RERE: variants seen among roughly 807,000 people sequenced by gnomAD.
RERE encodes the protein arginine-glutamic acid dipeptide repeats, also known as arginine-glutamic acid dipeptide repeats protein.
A neutral mutation model predicts 146.1 loss-of-function variants in RERE; 40 were observed. The observed-to-expected ratio is 0.27, with a 90% CI of 0.21 to 0.36. The LOEUF is 0.36. RERE is among the 10% of genes least tolerant of loss of function. RERE has a pLI of 1.00. For missense variants in RERE, 1,933 were observed against 2,138.7 expected (o/e 0.90, Z 1.90); for synonymous variants, 1,003 against 866.0 (o/e 1.16, Z -2.78).
At chr1:8,812,684 C>T (rs1641835416) in intron 1 of RERE, among the ~76,000 whole-genome samples, 1 of 152,040 alleles carries the variant, frequency 6.6e-6, no homozygotes, top group Admixed American at 6.6e-5. Flanking sequence ...CTGGCACAGA[C>T]CACTTTACCA....
At chr1:8,394,439 C>T (rs1446102979) in intron 12 of RERE, among the ~76,000 whole-genome samples, 1 of 152,202 alleles carries the variant, frequency 6.6e-6, no homozygotes, top group African/African-American at 2.4e-5. Flanking sequence ...ATTCTCACTA[C>T]TGTCCTGGGA....
Position 8,356,179 on chromosome 1 carries a change from G to A in RERE, c.4407C>T (p.Pro1469=), listed in dbSNP as rs1641284945. The change falls in exon 21 of 23, where the codon CCC becomes CCT. Residue 1469 remains proline, a synonymous_variant. Coordinates refer to ENST00000400908, the MANE Select transcript of RERE (RefSeq NM_001042681.2). This position sits in a 1 kb window ranked among gnomAD's most constrained non-coding sequence, Gnocchi z 5.2. ...LTAGPHLARF[P]YPPGTLPNPL... is the part of the protein sequence containing the mutation. ...GGTTGGGGAGAGTGCCAGGCGGGTA[G>A]GGGAAGCGAGCCAGGTGGGGACCGG... is the stretch of plus-strand genomic sequence containing the variant. The A allele has an allele frequency of 2.6e-6, 4 of 1,521,592 alleles. No homozygotes were observed. Among genetic ancestry groups the A allele is most frequent in the Non-Finnish European group, 3.5e-6 (4 of 1,144,992 alleles). The allele number at this position is 1,521,592 out of a possible 1,614,324, so 94.3% of individuals were successfully genotyped here.
At chr1:8,396,561 T>C (rs1189338397) in intron 12 of RERE, among the ~76,000 whole-genome samples, 1 of 152,186 alleles carries the variant, frequency 6.6e-6, no homozygotes, top group Non-Finnish European at 1.5e-5. Context: ...CAGTCAGCCG[T>C]CTAATAAATC....
intron 1 of RERE, among the ~76,000 whole-genome samples, chr1:8,785,847 C>T (rs530756338): frequency 6.6e-6 from 1 of 152,252 alleles, no homozygotes; most frequent in African/African-American, 2.4e-5. Context: ...GTCTCGAATT[C>T]CTGACCTCAA....
chr1:8,625,777 C>T (rs1212276428), intron 2 of RERE, among the ~76,000 whole-genome samples: 1 of 152,214 alleles, frequency 6.6e-6, no homozygotes, highest in East Asian at 1.9e-4. Context: ...CAAACCCCAA[C>T]AGACCAACTA....
At chr1:8,635,987 T>C (rs555739667) in intron 2 of RERE, among the ~76,000 whole-genome samples, 86 of 148,224 alleles carry the variant, frequency 5.8e-4, no homozygotes, top group East Asian at 2.8e-3. Flanking sequence ...CTTATTTTAT[T>C]TTATTTTATT....
intron 1 of RERE, among the ~76,000 whole-genome samples, chr1:8,753,278 A>C (rs1283544053): frequency 6.6e-6 from 1 of 152,202 alleles, no homozygotes; most frequent in African/African-American, 2.4e-5. Flanking sequence ...CATTTGAGTG[A>C]TCTATACCTT....
chr1:8,434,711 C>T (rs1312498892), intron 11 of RERE: 4 of 152,276 alleles, frequency 2.6e-5, no homozygotes, highest in Non-Finnish European at 5.9e-5. Flanking sequence ...CTCTCCCTCT[C>T]TGGACACGTG....
chr1:8,501,454 T>C (rs1325947577), intron 8 of RERE, among the ~76,000 whole-genome samples: 12 of 38,876 alleles, frequency 3.1e-4, no homozygotes, highest in Admixed American at 6.0e-4. Flanking sequence ...CCGCCCCTAC[T>C]GGGAAGTGAG....
At chr1:8,617,929 G>A (rs1646873666) in intron 3 of RERE, among the ~76,000 whole-genome samples, 1 of 152,152 alleles carries the variant, frequency 6.6e-6, no homozygotes, top group African/African-American at 2.4e-5. Flanking sequence ...ATTACACACT[G>A]CAGGCTAACC....
intron 2 of RERE, among the ~76,000 whole-genome samples, chr1:8,646,448 C>G (rs896655177): frequency 6.6e-6 from 1 of 152,062 alleles, no homozygotes; most frequent in African/African-American, 2.4e-5. Flanking sequence ...AGGAGGACCA[C>G]TTGAGCTCGG....
At chr1:8,754,710 T>C (rs1182272983) in intron 1 of RERE, among the ~76,000 whole-genome samples, 1 of 152,254 alleles carries the variant, frequency 6.6e-6, no homozygotes, top group African/African-American at 2.4e-5. Flanking sequence ...TGCGTTCATT[T>C]AAAACATAAA....
intron 12 of RERE, among the ~76,000 whole-genome samples, chr1:8,406,749 A>G (rs1214053963): frequency 6.6e-6 from 1 of 152,198 alleles, no homozygotes; most frequent in Non-Finnish European, 1.5e-5. Flanking sequence ...AATAGTTCAG[A>G]ATAATTAGAA....
intron 2 of RERE, among the ~76,000 whole-genome samples, chr1:8,641,539 CT>C (rs1647176948): frequency 1.3e-5 from 2 of 152,142 alleles, no homozygotes; most frequent in Non-Finnish European, 2.9e-5. Context: ...GATTGGAACT[CT>C]GTCACAGTCC....
At chr1:8,666,166 G>A (rs1017910991) in intron 1 of RERE, among the ~76,000 whole-genome samples, 2 of 152,200 alleles carry the variant, frequency 1.3e-5, no homozygotes, top group Admixed American at 1.3e-4. Flanking sequence ...GATGAAAAGA[G>A]CAGTCTAGGA....
rs1641785005 is a variant in RERE, at chr1:8,365,839, G to A, written c.1420C>T (p.Pro474Ser). ...AATTCACTGGACGGGGGTCTGGAGGGTGTGTTGACGGGTGTGGACGCGGTG... is the reference window on the plus strand; with the variant it reads ...AATTCACTGGACGGGGGTCTGGAGGATGTGTTGACGGGTGTGGACGCGGTG... The part of the protein sequence containing the change: ...TRTASTPVNT[P>S]SRPPSSEFLD... Residue 474 changes from proline (P) to serine (S), a missense_variant, in exon 13 of 23, where the codon CCC becomes TCC. Around this residue, in one of 11 missense-constraint regions of RERE, gnomAD observed 260 missense variants for 378.4 expected, o/e 0.69. Coordinates refer to ENST00000400908, the MANE Select transcript of RERE (RefSeq NM_001042681.2). 3 of 1,614,094 alleles carry A rather than the reference G, an allele frequency of 1.9e-6. No homozygotes were observed. Among genetic ancestry groups the A allele is most frequent in the Admixed American group, 1.7e-5 (1 of 60,016 alleles).
intron 1 of RERE, among the ~76,000 whole-genome samples, chr1:8,705,171 G>T (rs1639533289): frequency 6.6e-6 from 1 of 152,150 alleles, no homozygotes; most frequent in African/African-American, 2.4e-5. Flanking sequence ...GGAAAAGGCT[G>T]GTGAGAAGAA....
chr1:8,365,126 G>C (rs1208400112), intron 13 of RERE, among the ~76,000 whole-genome samples: 1 of 152,220 alleles, frequency 6.6e-6, no homozygotes, highest in African/African-American at 2.4e-5. Context: ...GTCTGAACTG[G>C]GACAAGCGCG....
rs543612111 is a variant in RERE, at chr1:8,751,536, G to A, written c.-145+65624C>T. On this transcript the variant is annotated intron_variant, in intron 1 of 22. Transcript: ENST00000400908. ...TAAACTACACCGAAGTCAAACTTAT[G>A]CTACCCAGTTAGTTTTGCTCTGATG... Among the ~76,000 whole-genome samples, 8 of 152,252 alleles carry A rather than the reference G, an allele frequency of 5.3e-5. No homozygotes were observed. The South Asian group carries it at 1.7e-3, about 32-fold the overall frequency.
Sources: allele counts gnomAD v4.1 joint callset (sites outside exome capture counted in the v4.1 genomes callset), GRCh38; gene constraint gnomAD v4.1.1; regional missense constraint gnomAD v4.1.1; non-coding constraint Gnocchi (gnomAD v3.1); transcripts MANE v1.5; gene names NCBI Gene and HGNC (gene_info 2026-07-23, HGNC 2026-07-21).